Variants in CPA6 observed in about 807,000 individuals in gnomAD.
The protein encoded by CPA6 is carboxypeptidase A6.
Under a neutral mutation model 63.3 loss-of-function variants are expected in CPA6, and 58 were observed. The ratio of observed to expected loss-of-function variants is 0.92; its 90% CI spans 0.74 to 1.14. The LOEUF (loss-of-function observed/expected upper bound fraction) is 1.14, where lower values mean the gene tolerates loss of function less well. CPA6 is among the 50% of genes most tolerant of loss of function. CPA6 has a pLI of 0.00. For synonymous variants in CPA6, 185 were observed against 179.0 expected (o/e 1.03, Z -0.27); for missense variants, 565 against 526.6 (o/e 1.07, Z -0.71).
rs144278975 is a variant in CPA6 at position 67,567,245 on chromosome 8, G to C, written c.193-49198C>G. On this transcript the variant is annotated intron_variant, in intron 2 of 10. Coordinates refer to ENST00000297770, the MANE Select transcript of CPA6 (RefSeq NM_020361.5). Reference sequence around the variant, plus strand: ...GATATCAGATACATGGGCCTGGCCAGGGCAGATTTAGGTCTTGTGAGACCT... The same window carrying C: ...GATATCAGATACATGGGCCTGGCCACGGCAGATTTAGGTCTTGTGAGACCT... Among the ~76,000 whole-genome samples the C allele has an allele frequency of 6.5e-3, 986 of 152,294 alleles. 7 individuals are homozygous for C. Among genetic ancestry groups the C allele is most frequent in the South Asian group, 0.012 (59 of 4,818 alleles).
chr8:67,422,729 T>C, intron 10 of CPA6, 38 bp from the exon 11 acceptor site: 1 of 1,505,348 alleles, frequency 6.6e-7, no homozygotes, highest in African/African-American at 1.4e-5. Context: ...TCAGCCTCAC[T>C]AAAGAGTCAG....
At chr8:67,624,317 T>C (rs534729921) in intron 1 of CPA6, 66 bp from the exon 2 acceptor site, 2 of 855,640 alleles carry the variant, frequency 2.3e-6, no homozygotes, top group South Asian at 3.4e-5. Context: ...CATCTCTTTC[T>C]TACCTCTTAA....
intron 1 of CPA6, among the ~76,000 whole-genome samples, chr8:67,633,408 G>A (rs1294784234): frequency 2.6e-5 from 4 of 151,970 alleles, no homozygotes; most frequent in South Asian, 2.1e-4. Flanking sequence ...TGGGCCGGGC[G>A]CGTTGGCTCA....
At chr8:67,446,887 C>T (rs1357117032) in intron 8 of CPA6, among the ~76,000 whole-genome samples, 2 of 152,118 alleles carry the variant, frequency 1.3e-5, no homozygotes, top group Non-Finnish European at 2.9e-5. Context: ...AATACACATA[C>T]TGGTGTGCAG....
intron 2 of CPA6, among the ~76,000 whole-genome samples, chr8:67,545,502 G>T (rs1326439375): frequency 6.6e-6 from 1 of 150,774 alleles, no homozygotes; most frequent in Non-Finnish European, 1.5e-5. Flanking sequence ...TTATGCTGCT[G>T]ACTCATGTCC....
chr8:67,640,401 C>T lies in CPA6; in HGVS notation c.117-16150G>A, dbSNP rs544110789. On this transcript the variant is annotated intron_variant, in intron 1 of 10. Transcript: ENST00000297770. ...GGGGGTCGAGGTGGCAGGGAGCTGG[C>T]GTGTTAGCGCTGCCCTGAGTGTGCA... Among the ~76,000 whole-genome samples, 185 of 151,574 alleles carry T rather than the reference C, an allele frequency of 1.2e-3. 1 individual carries two copies. Among genetic ancestry groups the T allele is most frequent in the Non-Finnish European group, 8.1e-4 (55 of 68,010 alleles).
intron 1 of CPA6, among the ~76,000 whole-genome samples, chr8:67,638,082 T>A (rs1237681018): frequency 6.6e-6 from 1 of 151,096 alleles, no homozygotes; most frequent in African/African-American, 2.5e-5. Context: ...AGAGAAATTC[T>A]AAGATGCCCA....
At chr8:67,642,866 C>T (rs374861068) in intron 1 of CPA6, among the ~76,000 whole-genome samples, 8 of 150,428 alleles carry the variant, frequency 5.3e-5, no homozygotes, top group African/African-American at 1.7e-4. Flanking sequence ...AAAGGCAAAA[C>T]CTTAAAAGAT....
intron 8 of CPA6, among the ~76,000 whole-genome samples, chr8:67,442,001 T>C (rs945005049): frequency 2.6e-5 from 4 of 152,120 alleles, no homozygotes; most frequent in African/African-American, 9.7e-5. Flanking sequence ...TGGTCATATA[T>C]AATGAATGTA....
intron 1 of CPA6, among the ~76,000 whole-genome samples, chr8:67,671,157 C>T (rs1001095491): frequency 5.3e-5 from 8 of 152,224 alleles, no homozygotes; most frequent in Non-Finnish European, 8.8e-5. Context: ...TGCTCTGTCA[C>T]GTCGTCAGCC....
chr8:67,533,065 CAGGAAGT>C (rs1439091391), intron 2 of CPA6, among the ~76,000 whole-genome samples: 1 of 152,176 alleles, frequency 6.6e-6, no homozygotes, highest in Non-Finnish European at 1.5e-5. Flanking sequence ...AGATTTTCTT[CAGGAAGT>C]AATAAAATCG....
chr8:67,639,528 C>T (rs1415371340), intron 1 of CPA6, among the ~76,000 whole-genome samples: 1 of 151,526 alleles, frequency 6.6e-6, no homozygotes, highest in Non-Finnish European at 1.5e-5. Flanking sequence ...ACAAGGTGTA[C>T]CATAAGCAGC....
In CPA6 at chr8:67,430,863, T is replaced by A. The variant is rs529903654; in HGVS notation, c.1042-2732A>T. ...ATGGGGAAGCAAATTCATCTTTTTT[T>A]TTTCTTTCCTTTCTTTGAGACAGGG... is the stretch of plus-strand genomic sequence containing the variant. On this transcript the variant is annotated intron_variant, in intron 9 of 10. Coordinates refer to ENST00000297770, the MANE Select transcript of CPA6 (RefSeq NM_020361.5). 1.9e-3 allele frequency among the ~76,000 whole-genome samples: 292 copies of A among 152,192 alleles called. 3 individuals are homozygous for A. The highest frequency in any genetic ancestry group is 0.012 in the South Asian group (58 of 4,820).
chr8:67,681,961 C>T (rs1037392890), intron 1 of CPA6, among the ~76,000 whole-genome samples: 1 of 151,550 alleles, frequency 6.6e-6, no homozygotes, highest in African/African-American at 2.4e-5. Context: ...GGTATTTTAA[C>T]TGGAATTGCA....
intron 2 of CPA6, among the ~76,000 whole-genome samples, chr8:67,533,134 T>C (rs1189572481): frequency 1.3e-5 from 2 of 152,182 alleles, no homozygotes; most frequent in African/African-American, 4.8e-5. Context: ...CACTCAATCA[T>C]GGAATTTAGC....
chr8:67,606,098 C>T lies in CPA6; in HGVS notation c.192+18078G>A, dbSNP rs1198786030. 4.0e-4 allele frequency among the ~76,000 whole-genome samples: 57 copies of T among 141,428 alleles called. 1 individual carries two copies. The Admixed American group carries it at 4.2e-3, about 10-fold the overall frequency. The allele number at this position is 141,428 out of a possible 152,430, so 92.8% of individuals were successfully genotyped here. On this transcript the variant is annotated intron_variant, in intron 2 of 10. Coordinates refer to ENST00000297770, the MANE Select transcript of CPA6 (RefSeq NM_020361.5). ...ATTTCAAGGACAAAAAAACAAACAC[C>T]GCATGTTCTCACTCATAGGTGGGAA...
chr8:67,540,678 C>T lies in CPA6; in HGVS notation c.193-22631G>A, dbSNP rs138445836. 9.0e-3 allele frequency among the ~76,000 whole-genome samples: 1,374 copies of T among 152,368 alleles called. 23 individuals carry two copies. Among genetic ancestry groups the T allele is most frequent in the African/African-American group, 0.031 (1,294 of 41,594 alleles). ...TATAAGCCCCTTACTGGGGCTGCAG[C>T]CTTTCTTTCAGAGATGCCCTGCCCA... On this transcript the variant is annotated intron_variant, in intron 2 of 10. Transcript: ENST00000297770.
At chr8:67,521,611 A>G (rs1161293080) in intron 2 of CPA6, among the ~76,000 whole-genome samples, 1 of 152,254 alleles carries the variant, frequency 6.6e-6, no homozygotes, top group East Asian at 1.9e-4. Context: ...TTTGAAAAGC[A>G]TATGAAAATA....
intron 2 of CPA6, among the ~76,000 whole-genome samples, chr8:67,518,682 T>C (rs113431076): frequency 0.017 from 2,604 of 150,338 alleles, 46 homozygotes; most frequent in Admixed American, 0.044. Flanking sequence ...AATTTTTGTA[T>C]TTTTTTTTAG....
Sources: gnomAD v4.1 joint callset for allele counts (sites outside exome capture counted in the v4.1 genomes callset) on GRCh38, gnomAD v4.1.1 for gene constraint, MANE v1.5 for transcripts, NCBI Gene and HGNC (gene_info 2026-07-23, HGNC 2026-07-21) for gene names.